Variants in ZCCHC4 observed in about 807,000 individuals in gnomAD.
ZCCHC4 encodes the protein rRNA N(6)-adenosine-methyltransferase ZCCHC4.
A neutral mutation model predicts 67.7 loss-of-function variants in ZCCHC4; 54 were observed. The observed-to-expected ratio is 0.80, with a 90% CI of 0.64 to 1.00. ZCCHC4 has a LOEUF of 1.00. ZCCHC4 is among the 50% of genes least tolerant of loss of function. The pLI is 0.00. For missense variants in ZCCHC4, 609 were observed against 617.0 expected (o/e 0.99, Z 0.14); for synonymous variants, 198 against 213.5 (o/e 0.93, Z 0.63).
chr4:25,368,565 C>A (rs186462286), intron 12 of ZCCHC4, among the ~76,000 whole-genome samples: 2 of 152,280 alleles, frequency 1.3e-5, no homozygotes, highest in East Asian at 3.9e-4. Context: ...ACTTAGGAAA[C>A]AGGCCCTTTC....
At chr4:25,341,664 G>C (rs1297408903) in intron 5 of ZCCHC4, among the ~76,000 whole-genome samples, 2 of 152,190 alleles carry the variant, frequency 1.3e-5, no homozygotes, top group African/African-American at 4.8e-5. Context: ...AAAATGGACT[G>C]ACACAGAAGG....
rs1389118451 is a variant in ZCCHC4, at chr4:25,314,059, G to C, written c.141G>C (p.Leu47=). ...TTCTGGAACTAGGACCCACTCTTCT[G>C]TTTGTAAAGGTGACCCAAGGGAAAG... ...APLCPHGPTL[L]FVKVTQGKEE... is the part of the protein sequence containing the mutation. Residue 47 remains leucine (L), a synonymous_variant, in exon 2 of 13, where the codon CTG becomes CTC. Coordinates refer to ENST00000302874, the MANE Select transcript of ZCCHC4 (RefSeq NM_024936.3). 1.3e-6 allele frequency: 2 copies of C among 1,540,522 alleles called. No homozygotes were observed. Among genetic ancestry groups the C allele is most frequent in the South Asian group, 2.4e-5 (2 of 84,280 alleles).
At chr4:25,352,160 G>A (rs1391473629) in intron 8 of ZCCHC4, 2 of 985,666 alleles carry the variant, frequency 2.0e-6, no homozygotes, top group South Asian at 9.4e-5. Context: ...AGGAGTGTCA[G>A]AGAAGGCAGA....
At chr4:25,327,039 T>G (rs567792103) in intron 3 of ZCCHC4, among the ~76,000 whole-genome samples, 1 of 152,370 alleles carries the variant, frequency 6.6e-6, no homozygotes, top group Non-Finnish European at 1.5e-5. Context: ...TATTGATCTT[T>G]TATTTTGAAA....
chr4:25,347,680 G>A (rs1720088574), intron 6 of ZCCHC4, among the ~76,000 whole-genome samples: 1 of 152,150 alleles, frequency 6.6e-6, no homozygotes, highest in Non-Finnish European at 1.5e-5. Flanking sequence ...AGGGTGCTTA[G>A]GAGAATAGAA....
chr4:25,320,266 G>T (rs1377712028), intron 3 of ZCCHC4, among the ~76,000 whole-genome samples: 1 of 151,914 alleles, frequency 6.6e-6, no homozygotes, highest in African/African-American at 2.4e-5. Context: ...CACCCTTATT[G>T]TGACCTATGA....
intron 3 of ZCCHC4, among the ~76,000 whole-genome samples, chr4:25,330,628 T>C (rs1039722998): frequency 2.0e-5 from 3 of 152,216 alleles, no homozygotes; most frequent in South Asian, 2.1e-4. Flanking sequence ...ACAGAAAGTT[T>C]GCTGACCCTG....
At chr4:25,346,254 C>T (rs1174575799) in intron 6 of ZCCHC4, among the ~76,000 whole-genome samples, 1 of 151,526 alleles carries the variant, frequency 6.6e-6, no homozygotes, top group Non-Finnish European at 1.5e-5. Context: ...AAAAAAAGGA[C>T]TGCAGTTTAA....
intron 3 of ZCCHC4, among the ~76,000 whole-genome samples, chr4:25,330,705 T>G (rs989233175): frequency 6.6e-6 from 1 of 152,224 alleles, no homozygotes; most frequent in Admixed American, 6.5e-5. Context: ...CTAGGGCTAA[T>G]TTTTCCTCCC....
At chr4:25,363,686 T>C in intron 10 of ZCCHC4, among the ~76,000 whole-genome samples, 1 of 152,344 alleles carries the variant, frequency 6.6e-6, no homozygotes, top group African/African-American at 2.4e-5. Flanking sequence ...TTATATTTAG[T>C]TTTTATTAGT....
At chr4:25,321,476 G>A (rs1179614372) in intron 3 of ZCCHC4, among the ~76,000 whole-genome samples, 5 of 152,198 alleles carry the variant, frequency 3.3e-5, no homozygotes, top group South Asian at 2.1e-4. Context: ...GGGTTCAAGC[G>A]ACTCTCCTGC....
At chr4:25,333,124 A>C in intron 3 of ZCCHC4, 59 bp from the exon 4 acceptor site, 1 of 1,536,458 alleles carries the variant, frequency 6.5e-7, no homozygotes. Context: ...AGCAAAACAC[A>C]TTGTGTTTAC....
intron 3 of ZCCHC4, among the ~76,000 whole-genome samples, chr4:25,319,155 G>A (rs1211982968): frequency 2.6e-5 from 4 of 152,188 alleles, no homozygotes; most frequent in African/African-American, 7.2e-5. Flanking sequence ...AGGCCTAGGC[G>A]GGTGGATCAC....
chr4:25,318,501 C>T (rs1473278329), intron 3 of ZCCHC4, among the ~76,000 whole-genome samples: 1 of 151,548 alleles, frequency 6.6e-6, no homozygotes, highest in African/African-American at 2.4e-5. Context: ...ATTACAGGCA[C>T]CTGCCACCAT....
intron 3 of ZCCHC4, among the ~76,000 whole-genome samples, chr4:25,316,861 G>T (rs941397360): frequency 6.6e-6 from 1 of 152,144 alleles, no homozygotes; most frequent in African/African-American, 2.4e-5. Context: ...TGCTTTCGGT[G>T]TATAGATCAG....
chr4:25,347,576 C>T (rs1720083368), intron 6 of ZCCHC4, among the ~76,000 whole-genome samples: 1 of 152,184 alleles, frequency 6.6e-6, no homozygotes, highest in African/African-American at 2.4e-5. Context: ...CTTTTTCTAC[C>T]TACTCCCAGA....
intron 5 of ZCCHC4, among the ~76,000 whole-genome samples, chr4:25,338,789 A>G (rs1719593673): frequency 6.6e-6 from 1 of 152,132 alleles, no homozygotes; most frequent in Non-Finnish European, 1.5e-5. Context: ...AATTTTGTTT[A>G]TCTTTTCATC....
intron 8 of ZCCHC4, chr4:25,352,127 T>C (rs1328682625): frequency 5.1e-6 from 5 of 986,482 alleles, no homozygotes; most frequent in East Asian, 1.1e-4. Context: ...ATGCACACTT[T>C]ACTGCATCAC....
chr4:25,341,740 A>C (rs551654358), intron 5 of ZCCHC4, among the ~76,000 whole-genome samples: 1 of 152,394 alleles, frequency 6.6e-6, no homozygotes, highest in East Asian at 1.9e-4. Context: ...TCAACTGTAC[A>C]TATAACATTT....
Sources: gnomAD v4.1 joint callset for allele counts (sites outside exome capture counted in the v4.1 genomes callset) on GRCh38, gnomAD v4.1.1 for gene constraint, MANE v1.5 for transcripts, NCBI Gene and HGNC (gene_info 2026-07-23, HGNC 2026-07-21) for gene names.